UNC80: variants seen among roughly 807,000 people sequenced by gnomAD.
UNC80 encodes the protein protein unc-80 homolog.
In UNC80, 164 loss-of-function variants were observed where a neutral mutation model predicts 384.6. The observed-to-expected ratio is 0.43, with a 90% CI of 0.38 to 0.49. UNC80 has a LOEUF of 0.49. Ranked by LOEUF, UNC80 falls within the 20% of genes least tolerant of loss-of-function variation. The pLI is 0.00. For missense variants in UNC80, 3,330 were observed against 4,143.0 expected (o/e 0.80, Z 5.39); for synonymous variants, 1,486 against 1,527.8 (o/e 0.97, Z 0.64).
At chr2:209,934,871 A>G (rs900218052) in intron 39 of UNC80, among the ~76,000 whole-genome samples, 5 of 152,222 alleles carry the variant, frequency 3.3e-5, no homozygotes, top group Non-Finnish European at 7.3e-5. Flanking sequence ...TAGGTTCTGT[A>G]GATTATCCAA....
In UNC80 at chr2:209,862,334, A is replaced by G. The variant is rs187359436; in HGVS notation, c.3628-10424A>G. Among the ~76,000 whole-genome samples the G allele has an allele frequency of 7.3e-3, 1,108 of 152,306 alleles. 5 individuals are homozygous for G. Among genetic ancestry groups the G allele is most frequent in the Middle Eastern group, 0.017 (5 of 294 alleles). ...ATGGAGAGTTCTGTAGATATCTATTAGGTCTGCTTGGTCCAGAGCTGAGTT... is the reference window on the plus strand; with the variant it reads ...ATGGAGAGTTCTGTAGATATCTATTGGGTCTGCTTGGTCCAGAGCTGAGTT... On this transcript the variant is annotated intron_variant, in intron 22 of 64. Coordinates refer to ENST00000673920, the MANE Select transcript of UNC80 (RefSeq NM_001371986.1).
intron 7 of UNC80, among the ~76,000 whole-genome samples, chr2:209,798,671 T>C (rs1014007301): frequency 6.6e-6 from 1 of 150,952 alleles, no homozygotes; most frequent in East Asian, 1.9e-4. Flanking sequence ...TTTTATTTTT[T>C]TATTTTTATT....
At position 209,920,451 on chromosome 2, in the gene UNC80, G is replaced by A. The variant is rs113190744; in HGVS notation, c.5344-1049G>A. Among the ~76,000 whole-genome samples the A allele has an allele frequency of 2.8e-3, 420 of 152,344 alleles. 1 individual carries two copies. Among genetic ancestry groups the A allele is most frequent in the African/African-American group, 9.7e-3 (402 of 41,580 alleles). The stretch of plus-strand genomic sequence containing the variant: ...TGACTCTGTCTCCAAAGCTCTTGGA[G>A]CTTGTCTGGGCATAAGCATCATAAT... On this transcript the variant is annotated intron_variant, in intron 33 of 64. Coordinates refer to ENST00000673920, the MANE Select transcript of UNC80 (RefSeq NM_001371986.1).
At chr2:209,983,157 A>T (rs1488451147) in intron 60 of UNC80, among the ~76,000 whole-genome samples, 1 of 152,164 alleles carries the variant, frequency 6.6e-6, no homozygotes, top group Admixed American at 6.5e-5. Context: ...TCAGACATGG[A>T]AAATAATAAA....
At chr2:209,962,301 T>C (rs1192610904) in intron 51 of UNC80, among the ~76,000 whole-genome samples, 1 of 152,108 alleles carries the variant, frequency 6.6e-6, no homozygotes, top group Non-Finnish European at 1.5e-5. Flanking sequence ...TGGCTAGCCT[T>C]GGAAAAGAAT....
chr2:209,852,772 T>C (rs112720650), intron 22 of UNC80, among the ~76,000 whole-genome samples: 2,057 of 152,284 alleles, frequency 0.014, 52 homozygotes, highest in African/African-American at 0.045. Context: ...TGATGTTTTC[T>C]GCTAAAGGTA....
At chr2:209,793,588 A>G (rs1339945519) in intron 6 of UNC80, 132 bp from the exon 7 acceptor site, 17 of 1,037,906 alleles carry the variant, frequency 1.6e-5, no homozygotes, top group Non-Finnish European at 2.1e-5. Context: ...TAATATCATA[A>G]TTAACTATAG....
At chr2:209,813,980 C>G in intron 8 of UNC80, 139 bp downstream of exon 8, 1 of 1,115,618 alleles carries the variant, frequency 9.0e-7, no homozygotes. Context: ...ATTATCTTTT[C>G]CCTTCCATCT....
chr2:209,775,017 A>C (rs528527449), intron 2 of UNC80, among the ~76,000 whole-genome samples: 1 of 152,314 alleles, frequency 6.6e-6, no homozygotes, highest in African/African-American at 2.4e-5. Context: ...ACATTTATAC[A>C]ATTTTATTGA....
At chr2:209,811,395 C>A (rs768091019) in intron 7 of UNC80, among the ~76,000 whole-genome samples, 1 of 151,900 alleles carries the variant, frequency 6.6e-6, no homozygotes, top group Non-Finnish European at 1.5e-5. Flanking sequence ...AGGATTTGAG[C>A]CAGGGAGTGG....
chr2:209,892,585 G>GCTGCAT (rs1163596693), intron 26 of UNC80, among the ~76,000 whole-genome samples: 2 of 152,044 alleles, frequency 1.3e-5, no homozygotes, highest in Non-Finnish European at 2.9e-5. Context: ...AGTTTATTTT[G>GCTGCAT]CTGCATCTGT....
intron 7 of UNC80, among the ~76,000 whole-genome samples, chr2:209,801,377 C>CTTTTTTTTTT (rs35079056): frequency 1.5e-5 from 1 of 65,976 alleles, no homozygotes; most frequent in African/African-American, 5.3e-5. Context: ...GCAACCCCTG[C>CTTTTTTTTTT]TTTTTTTTTT....
At chr2:209,775,093 C>T (rs1032648999) in intron 2 of UNC80, among the ~76,000 whole-genome samples, 1 of 152,104 alleles carries the variant, frequency 6.6e-6, no homozygotes, top group Non-Finnish European at 1.5e-5. Flanking sequence ...TCCAATATTT[C>T]GTAACTACAT....
Position 209,957,749 on chromosome 2 carries a change from G to A in UNC80, c.7550+13G>A, listed in dbSNP as rs762235117. 43 of 1,550,524 alleles carry A rather than the reference G, an allele frequency of 2.8e-5. No homozygotes were observed. In the South Asian group the frequency reaches 3.7e-4, roughly 13 times the overall value. ...GGGTGAACACCAGGTAATTCACTGC[G>A]CCTTATTCTTCTATGGTCTCTCAAT... On this transcript the variant is annotated intron_variant, in intron 49 of 64. Coordinates refer to ENST00000673920, the MANE Select transcript of UNC80 (RefSeq NM_001371986.1).
At chr2:209,953,416 C>CAA (rs543990253) in intron 47 of UNC80, among the ~76,000 whole-genome samples, 1,368 of 42,368 alleles carry the variant, frequency 0.032, 147 homozygotes, top group African/African-American at 0.095. Context: ...AAGACTCTGT[C>CAA]AAAAAAAAAA....
At chr2:209,925,282 T>G (rs889298669) in intron 35 of UNC80, among the ~76,000 whole-genome samples, 2 of 152,160 alleles carry the variant, frequency 1.3e-5, no homozygotes, top group Non-Finnish European at 2.9e-5. Flanking sequence ...TTTTTAAAGA[T>G]TTCCACATGC....
intron 7 of UNC80, chr2:209,794,851 A>G: frequency 2.2e-6 from 1 of 448,082 alleles, no homozygotes. Context: ...GTGGAACTGT[A>G]ACTCCAATTA....
intron 33 of UNC80, among the ~76,000 whole-genome samples, chr2:209,919,930 C>T (rs375484048): frequency 6.6e-6 from 1 of 152,214 alleles, no homozygotes; most frequent in East Asian, 1.9e-4. Flanking sequence ...AGTTATCTTT[C>T]TCATTCCACA....
In UNC80 at chr2:209,976,447, ACCGCCC is replaced by A; in HGVS notation, c.8772+145_8772+150del. ...TGTTAATACCATGCTTGATGAGAAA[ACCGCCC>A]AAAAATATATTCCAGAGGATAAAAA... On this transcript the variant is annotated intron_variant, in intron 57 of 64. Transcript: ENST00000673920. This position sits in a 1 kb window ranked among gnomAD's most constrained non-coding sequence, Gnocchi z 4.3. 9.5e-7 allele frequency: 1 copy of A among 1,054,566 alleles called. No homozygotes were observed. The highest frequency in any genetic ancestry group is 1.4e-6 in the Non-Finnish European group (1 of 738,872). The allele number at this position is 1,054,566 out of a possible 1,614,324, so 65.3% of individuals were successfully genotyped here.
Sources: allele counts gnomAD v4.1 joint callset (sites outside exome capture counted in the v4.1 genomes callset), GRCh38; gene constraint gnomAD v4.1.1; non-coding constraint Gnocchi (gnomAD v3.1); transcripts MANE v1.5; gene names NCBI Gene and HGNC (gene_info 2026-07-23, HGNC 2026-07-21).